The following SLC12A2 variants were observed in gnomAD, a reference collection of about 807,000 sequenced individuals.
The protein encoded by SLC12A2 is Na-K-2Cl cotransporter 1.
In SLC12A2, 67 loss-of-function variants were observed where a neutral mutation model predicts 136.3. The ratio of observed to expected loss-of-function variants is 0.49; its 90% CI spans 0.40 to 0.60. SLC12A2 has a LOEUF of 0.60. Ranked by LOEUF, SLC12A2 falls within the 20% of genes least tolerant of loss-of-function variation. SLC12A2 has a pLI of 0.00. For synonymous variants in SLC12A2, 619 were observed against 562.9 expected, an observed-to-expected ratio of 1.10 and a Z score of -1.41; for missense variants, 1,322 against 1,534.7, an observed-to-expected ratio of 0.86 and a Z score of 2.32.
In SLC12A2 at chr5:128,182,842, A is replaced by C; in HGVS notation, c.3213-13A>C. 6.3e-7 allele frequency: 1 copy of C among 1,584,332 alleles called. No individual in the cohort carries two copies. The highest frequency in any genetic ancestry group is 8.7e-7 in the Non-Finnish European group (1 of 1,155,250). Reference sequence around the variant, plus strand: ...AAATACTTGTATCTTAATTCTATTTATTTTTGTTGTAGGATGGCTACTTTG... The same window carrying C: ...AAATACTTGTATCTTAATTCTATTTCTTTTTGTTGTAGGATGGCTACTTTG... On this transcript the variant is annotated splice_polypyrimidine_tract_variant and intron_variant, in intron 23 of 26. Transcript: ENST00000262461.
rs1053614 is a variant in SLC12A2 at position 128,161,695 on chromosome 5, C to T, written c.2511C>T (p.Ile837=). 2.1e-4 allele frequency: 307 copies of T among 1,487,736 alleles called. No individual in the cohort carries two copies. The highest frequency in any genetic ancestry group is 3.4e-4 in the Admixed American group (15 of 43,920). The allele number at this position is 1,487,736 out of a possible 1,614,324, so 92.2% of individuals were successfully genotyped here. Residue 837 remains isoleucine, a synonymous_variant, in exon 17 of 27, where the codon ATC becomes ATT. Transcript: ENST00000262461. The stretch of plus-strand genomic sequence containing the variant: ...GACAAGCCATGAAAGAGATGTCCAT[C>T]GATCAAGCCAAATATCAGCGATGGC... The part of the protein sequence containing the change: ...PRRQAMKEMS[I]DQAKYQRWLI...
chr5:128,122,800 T>G (rs1761638857), intron 4 of SLC12A2, among the ~76,000 whole-genome samples: 1 of 152,118 alleles, frequency 6.6e-6, no homozygotes, highest in Non-Finnish European at 1.5e-5. Flanking sequence ...AACTATTAGT[T>G]CCTACCATTA....
chr5:128,122,121 T>C (rs1490664456), intron 4 of SLC12A2, among the ~76,000 whole-genome samples: 1 of 152,246 alleles, frequency 6.6e-6, no homozygotes, highest in Non-Finnish European at 1.5e-5. Context: ...AACCACTTTT[T>C]GCTTGGGGGC....
rs369917769 is a variant in SLC12A2, at chr5:128,102,596, C to T, written c.757-10218C>T. The stretch of plus-strand genomic sequence containing the variant: ...TTCTGTAATTCACCCCCCCCCCCGC[C>T]TTTTTTTTTTTTTTTTTTTTTTTTT... On this transcript the variant is annotated intron_variant, in intron 1 of 26. Transcript: ENST00000262461. 2.5e-3 allele frequency among the ~76,000 whole-genome samples: 102 copies of T among 40,460 alleles called. 2 individuals are homozygous for T. The highest frequency in any genetic ancestry group is 0.048 in the Middle Eastern group (2 of 42). The allele number at this position is 40,460 out of a possible 152,430, so 26.5% of individuals were successfully genotyped here.
chr5:128,140,109 G>A (rs1022755856), intron 9 of SLC12A2, among the ~76,000 whole-genome samples: 6 of 151,830 alleles, frequency 4.0e-5, no homozygotes, highest in Non-Finnish European at 5.9e-5. Context: ...AGCAATTCTC[G>A]TGCCTCACCC....
At chr5:128,110,079 G>A (rs192019481) in intron 1 of SLC12A2, 3 of 954,236 alleles carry the variant, frequency 3.1e-6, no homozygotes, top group Non-Finnish European at 5.2e-6. Context: ...AGATAACAAA[G>A]TTTATATCAA....
intron 1 of SLC12A2, among the ~76,000 whole-genome samples, chr5:128,102,949 T>G (rs925133340): frequency 6.6e-6 from 1 of 152,158 alleles, no homozygotes; most frequent in African/African-American, 2.4e-5. Context: ...AATTGCTATT[T>G]TCTTCGATTG....
chr5:128,099,866 AC>A (rs1403689729), intron 1 of SLC12A2, among the ~76,000 whole-genome samples: 8 of 152,270 alleles, frequency 5.3e-5, no homozygotes, highest in Admixed American at 4.6e-4. Flanking sequence ...ATAACAGTAT[AC>A]ATTCCTTCTT....
chr5:128,149,691 C>A (rs1561688191), intron 12 of SLC12A2, among the ~76,000 whole-genome samples: 1 of 151,594 alleles, frequency 6.6e-6, no homozygotes, highest in Non-Finnish European at 1.5e-5. Flanking sequence ...TTAAAACACC[C>A]AAAACAGTAC....
chr5:128,155,967 A>G (rs1762857641), intron 15 of SLC12A2, among the ~76,000 whole-genome samples: 1 of 152,094 alleles, frequency 6.6e-6, no homozygotes, highest in African/African-American at 2.4e-5. Flanking sequence ...TATTAAATGT[A>G]GCTTACTTCT....
At chr5:128,106,972 G>C (rs756434828) in intron 1 of SLC12A2, among the ~76,000 whole-genome samples, 2 of 151,896 alleles carry the variant, frequency 1.3e-5, no homozygotes, top group Non-Finnish European at 1.5e-5. Context: ...GTAATACTTG[G>C]AGGTTATATA....
In SLC12A2 at chr5:128,180,986, C is replaced by T; in HGVS notation, c.3204C>T (p.Asp1068=). 1.3e-6 allele frequency: 2 copies of T among 1,578,740 alleles called. No homozygotes were observed. The highest frequency in any genetic ancestry group is 1.7e-6 in the Non-Finnish European group (2 of 1,148,496). The change falls in exon 23 of 27, where the codon GAC becomes GAT. Residue 1068 remains aspartate, a synonymous_variant. Transcript: ENST00000262461. Reference sequence around the variant, plus strand: ...GAAAGATAAACAGAATAGACCATGACCGGAGAGCGTAAGTTTATTTCACAT... The same window carrying T: ...GAAAGATAAACAGAATAGACCATGATCGGAGAGCGTAAGTTTATTTCACAT... The part of the protein sequence containing the change: ...IGGKINRIDH[D]RRAMATLLSK...
At position 128,153,491 on chromosome 5, in the gene SLC12A2, G is replaced by C. The variant is rs533701428; in HGVS notation, c.2363+686G>C. 3.9e-5 allele frequency among the ~76,000 whole-genome samples: 6 copies of C among 152,234 alleles called. No individual in the cohort carries two copies. In the South Asian group the frequency reaches 1.2e-3, roughly 32 times the overall value. On this transcript the variant is annotated intron_variant, in intron 15 of 26. Coordinates refer to ENST00000262461, the MANE Select transcript of SLC12A2 (RefSeq NM_001046.3). ...AATGGCTCGAACCCAGGAGGCGGAG[G>C]TTGCAGTGAGCCAAGATCATGCCAC...
chr5:128,087,856 A>G (rs752177644), intron 1 of SLC12A2, among the ~76,000 whole-genome samples: 6 of 152,074 alleles, frequency 3.9e-5, no homozygotes, highest in Non-Finnish European at 5.9e-5. Context: ...GAACTTGAGA[A>G]ACTTAATAGA....
At chr5:128,085,343 AT>A (rs1760061419) in intron 1 of SLC12A2, among the ~76,000 whole-genome samples, 2 of 151,874 alleles carry the variant, frequency 1.3e-5, no homozygotes, top group African/African-American at 2.4e-5. Context: ...AGAGGTGTAT[AT>A]TTAAAAAAAA....
chr5:128,129,674 G>C (rs1761944063), intron 4 of SLC12A2, among the ~76,000 whole-genome samples: 2 of 151,942 alleles, frequency 1.3e-5, no homozygotes, highest in South Asian at 4.1e-4. Context: ...TTTATACTGG[G>C]TGAACAATAG....
At chr5:128,127,254 C>T (rs1221437763) in intron 4 of SLC12A2, among the ~76,000 whole-genome samples, 2 of 149,382 alleles carry the variant, frequency 1.3e-5, no homozygotes, top group African/African-American at 2.5e-5. Context: ...CCCGAGTAGC[C>T]GGGACTACAG....
intron 15 of SLC12A2, among the ~76,000 whole-genome samples, chr5:128,156,018 C>A (rs191027995): frequency 1.4e-4 from 21 of 152,198 alleles, no homozygotes; most frequent in Admixed American, 6.5e-5. Context: ...CAGGGACTCT[C>A]TCCAGCAAAT....
intron 1 of SLC12A2, among the ~76,000 whole-genome samples, chr5:128,091,076 C>T (rs1326130402): frequency 6.6e-6 from 1 of 152,210 alleles, no homozygotes; most frequent in Non-Finnish European, 1.5e-5. Context: ...TAGAAGCCTA[C>T]TGCAATGGTT....
Sources: gnomAD v4.1 joint callset for allele counts (sites outside exome capture counted in the v4.1 genomes callset) on GRCh38, gnomAD v4.1.1 for gene constraint, MANE v1.5 for transcripts, NCBI Gene and HGNC (gene_info 2026-07-23, HGNC 2026-07-21) for gene names.